BBOX1: variants seen among roughly 807,000 people sequenced by gnomAD.
BBOX1 encodes gamma-butyrobetaine hydroxylase 1.
A neutral mutation model predicts 41.6 loss-of-function variants in BBOX1; 35 were observed. The ratio of observed to expected loss-of-function variants is 0.84; its 90% CI spans 0.64 to 1.11. BBOX1 has a LOEUF of 1.11. BBOX1 is among the 50% of genes most tolerant of loss of function. BBOX1 has a pLI of 0.00. For synonymous variants in BBOX1, 163 were observed against 154.7 expected, an observed-to-expected ratio of 1.05 and a Z score of -0.40; for missense variants, 458 against 460.6, an observed-to-expected ratio of 0.99 and a Z score of 0.05.
intron 2 of BBOX1, among the ~76,000 whole-genome samples, chr11:27,045,773 C>A (rs948657287): frequency 4.6e-5 from 7 of 152,068 alleles, no homozygotes; most frequent in Admixed American, 2.0e-4. Context: ...GAAATAACAG[C>A]CTTTTATTCT....
At chr11:27,090,362 T>C (rs1169487209) in intron 4 of BBOX1, among the ~76,000 whole-genome samples, 1 of 151,758 alleles carries the variant, frequency 6.6e-6, no homozygotes, top group Non-Finnish European at 1.5e-5. Context: ...CCAGCCTGAG[T>C]CTCAGACCAG....
At chr11:27,072,193 T>G (rs1857475896) in intron 4 of BBOX1, among the ~76,000 whole-genome samples, 1 of 152,154 alleles carries the variant, frequency 6.6e-6, no homozygotes, top group Admixed American at 6.5e-5. Flanking sequence ...GCCCAAAATC[T>G]CCTTAAGCTG....
At chr11:27,083,885 G>A (rs1857939652) in intron 4 of BBOX1, among the ~76,000 whole-genome samples, 1 of 152,078 alleles carries the variant, frequency 6.6e-6, no homozygotes, top group Admixed American at 6.6e-5. Context: ...GGTGCTGGAG[G>A]GCCAGAGAAG....
intron 7 of BBOX1, among the ~76,000 whole-genome samples, chr11:27,124,741 C>T (rs1859587908): frequency 6.6e-6 from 1 of 152,102 alleles, no homozygotes; most frequent in South Asian, 2.1e-4. Flanking sequence ...AGGCTGTCCT[C>T]GAGCTCCTGA....
intron 5 of BBOX1, among the ~76,000 whole-genome samples, chr11:27,100,364 A>G (rs1858603839): frequency 6.6e-6 from 1 of 152,260 alleles, no homozygotes; most frequent in East Asian, 1.9e-4. Flanking sequence ...TTGAATAAAA[A>G]TGTCTTCTGG....
At chr11:27,055,743 G>T in intron 3 of BBOX1, 94 bp downstream of exon 3, 1 of 1,241,070 alleles carries the variant, frequency 8.1e-7, no homozygotes, top group Non-Finnish European at 1.1e-6. Flanking sequence ...ATTTGGTCAC[G>T]CATATATAAC....
intron 5 of BBOX1, among the ~76,000 whole-genome samples, chr11:27,095,213 T>G (rs1858394944): frequency 6.6e-6 from 1 of 151,986 alleles, no homozygotes; most frequent in Non-Finnish European, 1.5e-5. Context: ...CTAAGTCGTT[T>G]TACTTAGTTT....
In BBOX1 at chr11:27,055,749, A is replaced by G. The variant is rs1276736615; in HGVS notation, c.219+100A>G. 3.6e-6 allele frequency: 4 copies of G among 1,112,902 alleles called. No individual in the cohort carries two copies. The East Asian group carries it at 7.7e-5, about 22-fold the overall frequency. The allele number at this position is 1,112,902 out of a possible 1,614,324, so 68.9% of individuals were successfully genotyped here. A position where few individuals can be genotyped will look rare whatever the true frequency, so the allele number is the denominator to read the frequency against. Reference sequence around the variant, plus strand: ...CTCTTTTTTATTTGGTCACGCATATATAACCGCATATGAACCCACGTTTGT... The same window carrying G: ...CTCTTTTTTATTTGGTCACGCATATGTAACCGCATATGAACCCACGTTTGT... On this transcript the variant is annotated intron_variant, in intron 3 of 8. Transcript: ENST00000263182.
intron 5 of BBOX1, among the ~76,000 whole-genome samples, chr11:27,098,885 C>G (rs1590210830): frequency 6.6e-6 from 1 of 151,886 alleles, no homozygotes; most frequent in African/African-American, 2.4e-5. Flanking sequence ...ACCAGTCTAA[C>G]CTTTGAAAAC....
intron 7 of BBOX1, among the ~76,000 whole-genome samples, chr11:27,125,299 T>C (rs977835603): frequency 1.3e-5 from 2 of 152,272 alleles, no homozygotes; most frequent in African/African-American, 2.4e-5. Flanking sequence ...CATAGAACAA[T>C]TGACCTATAA....
chr11:27,055,974 C>T (rs1427079365), intron 3 of BBOX1, among the ~76,000 whole-genome samples: 2 of 152,148 alleles, frequency 1.3e-5, no homozygotes, highest in African/African-American at 4.8e-5. Context: ...AGGCAGCCAC[C>T]ATTCCATGTT....
At chr11:27,105,696 A>C (rs1162949496) in intron 5 of BBOX1, among the ~76,000 whole-genome samples, 1 of 152,168 alleles carries the variant, frequency 6.6e-6, no homozygotes, top group Non-Finnish European at 1.5e-5. Context: ...AACTTCCCCA[A>C]TCTAGCAAGG....
chr11:27,093,059 C>T (rs1259146258), intron 4 of BBOX1, 109 bp from the exon 5 acceptor site: 3 of 1,070,204 alleles, frequency 2.8e-6, no homozygotes, highest in Non-Finnish European at 4.0e-6. Flanking sequence ...TAATAAAGTC[C>T]ATTATAAATC....
At chr11:27,124,155 A>G (rs1859561841) in intron 7 of BBOX1, among the ~76,000 whole-genome samples, 1 of 152,052 alleles carries the variant, frequency 6.6e-6, no homozygotes, top group Non-Finnish European at 1.5e-5. Flanking sequence ...CCAGACCCCA[A>G]ACCAGGGTCA....
chr11:27,057,321 T>C lies in BBOX1; in HGVS notation c.334+6T>C, dbSNP rs1194206558. 6.3e-7 allele frequency: 1 copy of C among 1,595,678 alleles called. No individual in the cohort carries two copies. Among genetic ancestry groups the C allele is most frequent in the Non-Finnish European group, 8.6e-7 (1 of 1,166,372 alleles). Reference sequence around the variant, plus strand: ...AAGAGAATTGTTTTTTCCAGGTAACTTTGCCAAAGTCTTCAATGTCTTTTT... The same window carrying C: ...AAGAGAATTGTTTTTTCCAGGTAACCTTGCCAAAGTCTTCAATGTCTTTTT... On this transcript the variant is annotated splice_donor_region_variant and intron_variant, in intron 4 of 8. Coordinates refer to ENST00000263182, the MANE Select transcript of BBOX1 (RefSeq NM_003986.3).
chr11:27,090,476 G>T (rs561065577), intron 4 of BBOX1, among the ~76,000 whole-genome samples: 5 of 152,006 alleles, frequency 3.3e-5, no homozygotes, highest in African/African-American at 9.6e-5. Flanking sequence ...ACTAGTAAGG[G>T]TCTAACAAAG....
At position 27,093,270 on chromosome 11, in the gene BBOX1, A is replaced by C. The variant is rs1308807398; in HGVS notation, c.437A>C (p.Lys146Thr). The change falls in exon 5 of 9, where the codon AAA becomes ACA. Residue 146 changes from lysine to threonine, a missense_variant. Coordinates refer to ENST00000263182, the MANE Select transcript of BBOX1 (RefSeq NM_003986.3). ...HAYKWLSTLK[K>T]VGIVRLTGAS... is the part of the protein sequence containing the mutation. The stretch of plus-strand genomic sequence containing the variant: ...TACAAGTGGCTCTCCACCCTCAAGA[A>C]AGTAGGCATAGTAAGACTCACCGGA... The C allele has an allele frequency of 6.2e-7, 1 of 1,612,600 alleles. No homozygotes were observed. Among genetic ancestry groups the C allele is most frequent in the South Asian group, 1.1e-5 (1 of 91,036 alleles).
chr11:27,055,605 GA>G lies in BBOX1; in HGVS notation c.176del (p.Asp59ValfsTer2), dbSNP rs1486593908. 8 of 1,614,012 alleles carry G rather than the reference GA, an allele frequency of 5.0e-6. No homozygotes were observed. In the Admixed American group the frequency reaches 1.2e-4, roughly 24 times the overall value. On this transcript the variant is annotated frameshift_variant, in exon 3 of 9. Transcript: ENST00000263182. LOFTEE classifies it high-confidence loss of function. ...ACGGAAACTTCTAGTGGAAGCTCTT[GA>G]TGTGAACATTGGAATTAAAGGCTTG... is the stretch of plus-strand genomic sequence containing the variant. ...KARKLLVEAL[D>X]VNIGIKGLIF...
intron 4 of BBOX1, among the ~76,000 whole-genome samples, chr11:27,068,904 G>A (rs1857364512): frequency 6.6e-6 from 1 of 151,998 alleles, no homozygotes; most frequent in South Asian, 2.1e-4. Flanking sequence ...TTATTTCTGT[G>A]TTCTCTATTC....
Sources: gnomAD v4.1 joint callset for allele counts (sites outside exome capture counted in the v4.1 genomes callset) on GRCh38, gnomAD v4.1.1 for gene constraint, MANE v1.5 for transcripts, NCBI Gene and HGNC (gene_info 2026-07-23, HGNC 2026-07-21) for gene names.